Variants in C4B observed in about 807,000 individuals in gnomAD.
C4B encodes complement C4-B.
Under a neutral mutation model 46.2 loss-of-function variants are expected in C4B, and 6 were observed. The observed-to-expected ratio is 0.13, with a 90% confidence interval of 0.07 to 0.26. The LOEUF (loss-of-function observed/expected upper bound fraction) is 0.26, where lower values mean the gene tolerates loss of function less well. C4B is among the 10% of genes least tolerant of loss of function. C4B has a pLI of 1.00. For synonymous variants in C4B, 61 were observed against 240.1 expected (o/e 0.25, Z 6.90); for missense variants, 119 against 560.9 (o/e 0.21, Z 7.96).
At position 32,027,422 on chromosome 6, in the gene C4B, G is replaced by GTTC; in HGVS notation, c.2780_2781insTCT (p.Val927_Ser928insLeu). On this transcript the variant is annotated inframe_insertion, in exon 21 of 41. Coordinates refer to ENST00000435363, the MANE Select transcript of C4B (RefSeq NM_001002029.4). ...CTTCGAATTCCCTGTGGGAGATGCG[G>GTTC]TGTCCAAGGTTCTGCAGATTGAGGT... 2 of 849,540 alleles carry GTTC rather than the reference G, an allele frequency of 2.4e-6. No individual in the cohort carries two copies. The highest frequency in any genetic ancestry group is 3.1e-6 in the Non-Finnish European group (2 of 648,910). 52.6% of individuals were successfully genotyped at this position (849,540 alleles called of 1,614,324 possible).
Position 32,029,351 on chromosome 6 carries a change from G to T in C4B, c.3676+13G>T. ...CAGGAGACTGGAGGTGAGGGGTGAG[G>T]GGCTCTGGCAGTGAGCCTGAGGCCC... On this transcript the variant is annotated intron_variant, in intron 28 of 40. Transcript: ENST00000435363. 2 of 1,514,018 alleles carry T rather than the reference G, an allele frequency of 1.3e-6. 1 individual carries two copies. The highest frequency in any genetic ancestry group is 1.8e-6 in the Non-Finnish European group (2 of 1,113,106). The allele number at this position is 1,514,018 out of a possible 1,614,324, so 93.8% of individuals were successfully genotyped here.
Position 32,028,746 on chromosome 6 carries a change from G to C in C4B, c.3284G>C (p.Gly1095Ala), listed in dbSNP as rs1775719840. ...AGTTTGGCCCAGGAGCAGGTAGGAGGCTCGCCTGAGAAACTGCAGGAGACA... is the reference window on the plus strand; with the variant it reads ...AGTTTGGCCCAGGAGCAGGTAGGAGCCTCGCCTGAGAAACTGCAGGAGACA... ...VLSLAQEQVG[G>A]SPEKLQETSN... The change falls in exon 26 of 41, where the codon GGC (glycine) becomes GCC (alanine). Residue 1095 changes from glycine (G) to alanine (A), a missense_variant. Transcript: ENST00000435363. The C allele has an allele frequency of 6.4e-7, 1 of 1,553,712 alleles. No homozygotes were observed. The highest frequency in any genetic ancestry group is 1.7e-5 in the Admixed American group (1 of 57,688).
At position 32,029,270 on chromosome 6, in the gene C4B, C is replaced by G; in HGVS notation, c.3608C>G (p.Thr1203Ser). Residue 1203 changes from threonine (T) to serine (S), a missense_variant, in exon 28 of 41, where the codon ACC becomes AGC. By Grantham distance (58) the Thr-to-Ser change is moderately conservative. Coordinates refer to ENST00000435363, the MANE Select transcript of C4B (RefSeq NM_001002029.4). ...AAITAYALTL[T>S]KAPADLRGVA... is the part of the protein sequence containing the mutation. ...ATCACGGCCTATGCCCTGACACTGA[C>G]CAAGGCCCCTGCGGACCTGCGGGGT... is the stretch of plus-strand genomic sequence containing the variant. 6.4e-7 allele frequency: 1 copy of G among 1,567,600 alleles called. No individual in the cohort carries two copies. Among genetic ancestry groups the G allele is most frequent in the Non-Finnish European group, 8.7e-7 (1 of 1,146,448 alleles).
chr6:32,028,942 T>C lies in C4B; in HGVS notation c.3388-3T>C. 6.5e-7 allele frequency: 1 copy of C among 1,548,082 alleles called. No individual in the cohort carries two copies. The highest frequency in any genetic ancestry group is 1.1e-5 in the South Asian group (1 of 88,484). ...TGTTTGACATCTTTTCTCCCCTTAC[T>C]AGGGGGGTTTGGTGGGCAATGATGA... On this transcript the variant is annotated splice_polypyrimidine_tract_variant and splice_region_variant and intron_variant, in intron 26 of 40. Transcript: ENST00000435363.
chr6:32,028,700 G>A lies in C4B; in HGVS notation c.3238G>A (p.Ala1080Thr), dbSNP rs540001873. 12 of 1,545,768 alleles carry A rather than the reference G, an allele frequency of 7.8e-6. No individual in the cohort carries two copies. The African/African-American group carries it at 1.5e-4, about 19-fold the overall frequency. The change falls in exon 26 of 41, where the codon GCC becomes ACC. Residue 1080 changes from alanine to threonine, a missense_variant. By Grantham distance (58) the Ala-to-Thr change is moderately conservative. Coordinates refer to ENST00000435363, the MANE Select transcript of C4B (RefSeq NM_001002029.4). ...LSRGSSTWLTAFVLKVLSLAQ... is the reference protein window; with the variant it reads ...LSRGSSTWLTTFVLKVLSLAQ... ...TCCTTTCCTGCCCTCCAGGCTCACA[G>A]CCTTTGTGTTGAAGGTCCTGAGTTT...
chr6:32,028,302 AG>A (rs1386109602), intron 24 of C4B, 25 bp downstream of exon 24: 2 of 595,632 alleles, frequency 3.4e-6, no homozygotes, highest in South Asian at 1.7e-5. Context: ...GGCAAGCAGG[AG>A]GGGGGCCAGG....
In C4B at chr6:32,029,277, C is replaced by G. The variant is rs2229402; in HGVS notation, c.3615C>G (p.Ala1205=). The G allele has an allele frequency of 8.2e-5, 129 of 1,565,926 alleles. 36 individuals carry two copies. The highest frequency in any genetic ancestry group is 2.7e-4 in the Admixed American group (16 of 59,062). ...ITAYALTLTK[A]PADLRGVAHN... is the part of the protein sequence containing the mutation. ...CCTATGCCCTGACACTGACCAAGGC[C>G]CCTGCGGACCTGCGGGGTGTTGCCC... The change falls in exon 28 of 41, where the codon GCC becomes GCG. Residue 1205 remains alanine (A), a synonymous_variant. Coordinates refer to ENST00000435363, the MANE Select transcript of C4B (RefSeq NM_001002029.4).
Position 32,029,331 on chromosome 6 carries a change from G to T in C4B, c.3669G>T (p.Glu1223Asp). Residue 1223 changes from glutamate (E) to aspartate (D), a missense_variant, in exon 28 of 41, where the codon GAG becomes GAT. By Grantham distance (45) the Glu-to-Asp change is conservative. Transcript: ENST00000435363. Reference protein sequence around the residue: ...AHNNLMAMAQETGDNLYWGSV... With the variant: ...AHNNLMAMAQDTGDNLYWGSV... ...ACAACCTCATGGCAATGGCCCAGGAGACTGGAGGTGAGGGGTGAGGGGCTC... is the reference window on the plus strand; with the variant it reads ...ACAACCTCATGGCAATGGCCCAGGATACTGGAGGTGAGGGGTGAGGGGCTC... The T allele has an allele frequency of 6.4e-7, 1 of 1,552,924 alleles. No individual in the cohort carries two copies. Among genetic ancestry groups the T allele is most frequent in the Non-Finnish European group, 8.8e-7 (1 of 1,139,394 alleles).
At chr6:32,030,385 CA>C in intron 30 of C4B, 56 bp from the exon 31 acceptor site, 1 of 243,492 alleles carries the variant, frequency 4.1e-6, no homozygotes. Context: ...ATTGGAGCCG[CA>C]AAAACAGGTT....
At chr6:32,026,849 GC>G (rs1447268669) in intron 19 of C4B, 125 bp downstream of exon 19, 2 of 554,324 alleles carry the variant, frequency 3.6e-6, no homozygotes, top group Admixed American at 6.0e-5. Flanking sequence ...GTGCCAGCGT[GC>G]AGCTGGCGTG....
rs776894309 is a variant in C4B at position 32,028,761 on chromosome 6, T to C, written c.3299T>C (p.Leu1100Pro). 58 of 1,562,686 alleles carry C rather than the reference T, an allele frequency of 3.7e-5. 5 individuals are homozygous for C. Among genetic ancestry groups the C allele is most frequent in the African/African-American group, 8.5e-5 (6 of 70,502 alleles). The change falls in exon 26 of 41, where the codon CTG becomes CCG. Residue 1100 changes from leucine to proline, a missense_variant. Transcript: ENST00000435363. ...CAGGTAGGAGGCTCGCCTGAGAAAC[T>C]GCAGGAGACATCTAACTGGCTTCTG... is the stretch of plus-strand genomic sequence containing the variant. Reference protein sequence around the residue: ...QEQVGGSPEKLQETSNWLLSQ... With the variant: ...QEQVGGSPEKPQETSNWLLSQ...
At position 32,026,705 on chromosome 6, in the gene C4B, G is replaced by GAGCCTGTCCAAAACCAAAGGTGATGTC; in HGVS notation, c.2435_2452+9dup. 14 of 274,170 alleles carry GAGCCTGTCCAAAACCAAAGGTGATGTC rather than the reference G, an allele frequency of 5.1e-5. 2 individuals are homozygous for GAGCCTGTCCAAAACCAAAGGTGATGTC. The highest frequency in any genetic ancestry group is 9.1e-5 in the Non-Finnish European group (14 of 154,484). 17.0% of individuals were successfully genotyped at this position (274,170 alleles called of 1,614,324 possible). A position where few individuals can be genotyped will look rare whatever the true frequency, so the allele number is the denominator to read the frequency against. ...TGACCACGTGGGAGATCCATGGCCT[G>GAGCCTGTCCAAAACCAAAGGTGATGTC]AGCCTGTCCAAAACCAAAGGTGATG... On this transcript the variant is annotated inframe_insertion, in exon 19 of 41. Coordinates refer to ENST00000435363, the MANE Select transcript of C4B (RefSeq NM_001002029.4).
Position 32,029,004 on chromosome 6 carries a change from T to G in C4B, c.3447T>G (p.Leu1149=), listed in dbSNP as rs1775739428. The G allele has an allele frequency of 6.4e-7, 1 of 1,554,304 alleles. No homozygotes were observed. The highest frequency in any genetic ancestry group is 1.7e-5 in the Admixed American group (1 of 58,426). The part of the protein sequence containing the change: ...VALTAFVTIA[L]HHGLAVFQDE... ...TCACAGCCTTTGTGACCATCGCCCT[T>G]CATCATGGGCTGGCCGTCTTCCAGG... The change falls in exon 27 of 41, where the codon CTT becomes CTG. Residue 1149 remains leucine, a synonymous_variant. Transcript: ENST00000435363.
rs1258861368 is a variant in C4B at position 32,029,414 on chromosome 6, A to G, written c.3676+76A>G. ...GATCCCTGAGTGTGCCCAGAGGGAG[A>G]GGCTGGATGAAGACTCAGAGGAGGA... is the stretch of plus-strand genomic sequence containing the variant. On this transcript the variant is annotated intron_variant, in intron 28 of 40. Coordinates refer to ENST00000435363, the MANE Select transcript of C4B (RefSeq NM_001002029.4). 3.9e-6 allele frequency: 6 copies of G among 1,537,144 alleles called. No individual in the cohort carries two copies. The African/African-American group carries it at 7.0e-5, about 18-fold the overall frequency.
In C4B at chr6:32,028,764, A is replaced by C. The variant is rs1775721076; in HGVS notation, c.3302A>C (p.Gln1101Pro). The change falls in exon 26 of 41, where the codon CAG becomes CCG. Residue 1101 changes from glutamine (Q) to proline (P), a missense_variant. Transcript: ENST00000435363. ...EQVGGSPEKL[Q>P]ETSNWLLSQQ... ...GTAGGAGGCTCGCCTGAGAAACTGC[A>C]GGAGACATCTAACTGGCTTCTGTCC... 6.4e-7 allele frequency: 1 copy of C among 1,562,922 alleles called. No individual in the cohort carries two copies. Among genetic ancestry groups the C allele is most frequent in the Non-Finnish European group, 8.7e-7 (1 of 1,145,186 alleles).
In C4B at chr6:32,029,606, T is replaced by C. The variant is rs1775783737; in HGVS notation, c.3717T>C (p.Asn1239=). The C allele has an allele frequency of 6.2e-7, 1 of 1,605,594 alleles. No individual in the cohort carries two copies. The highest frequency in any genetic ancestry group is 8.5e-7 in the Non-Finnish European group (1 of 1,177,216). ...GCTCAGTCACTGGTTCTCAGAGCAA[T>C]GCCGTGTCGCCCACCCCGGCTCCTC... ...YWGSVTGSQS[N]AVSPTPAPRN... is the part of the protein sequence containing the mutation. The change falls in exon 29 of 41, where the codon AAT becomes AAC. Residue 1239 remains asparagine (N), a synonymous_variant. Coordinates refer to ENST00000435363, the MANE Select transcript of C4B (RefSeq NM_001002029.4).
rs200628265 is a variant in C4B, at chr6:32,029,159, T to C, written c.3505-8T>C. 0.018 allele frequency: 28,871 copies of C among 1,576,960 alleles called. 207 individuals are homozygous for C. The highest frequency in any genetic ancestry group is 0.018 in the Non-Finnish European group (20,968 of 1,153,698). On this transcript the variant is annotated splice_region_variant and splice_polypyrimidine_tract_variant and intron_variant, in intron 27 of 40. Transcript: ENST00000435363. ...CAGGCCCAAGACCCTCCTCCCGTTT[T>C]CTTCCAGGAAGCCTCCATCTCAAAG...
chr6:32,029,469 G>A, intron 28 of C4B, 97 bp from the exon 29 acceptor site: 1 of 1,492,508 alleles, frequency 6.7e-7, no homozygotes, highest in Non-Finnish European at 9.1e-7. Flanking sequence ...TGGGTTGGGG[G>A]AGACTCAGGA....
rs1183322314 is a variant in C4B, at chr6:32,029,198, T to G, written c.3536T>G (p.Leu1179Trp). The G allele has an allele frequency of 6.9e-6, 11 of 1,591,804 alleles. 1 individual carries two copies. Among genetic ancestry groups the G allele is most frequent in the South Asian group, 2.2e-5 (2 of 90,088 alleles). The part of the protein sequence containing the change: ...EASISKASSF[L>W]GEKASAGLLG... ...TCCATCTCAAAGGCAAGCTCATTTT[T>G]GGGGGAGAAAGCAAGTGCTGGGCTC... Residue 1179 changes from leucine to tryptophan, a missense_variant, in exon 28 of 41, where the codon TTG (leucine) becomes TGG (tryptophan). By Grantham distance (61) the Leu-to-Trp change is moderately conservative (BLOSUM62 -2). Coordinates refer to ENST00000435363, the MANE Select transcript of C4B (RefSeq NM_001002029.4).
Sources: gnomAD v4.1 joint callset for allele counts on GRCh38, gnomAD v4.1.1 for gene constraint, MANE v1.5 for transcripts, NCBI Gene and HGNC (gene_info 2026-07-23, HGNC 2026-07-21) for gene names.